VGLL3: variants seen among roughly 807,000 people sequenced by gnomAD.
VGLL3 encodes the protein transcription cofactor vestigial-like protein 3.
VGLL3 carries 18 observed loss-of-function variants against 29.2 expected under a neutral mutation model. That is an observed-to-expected ratio of 0.62 (90% CI 0.43 to 0.91). VGLL3 has a LOEUF of 0.91. Among genes scored for constraint, VGLL3 ranks in the 40% least tolerant of loss-of-function variants. The pLI is 0.00. For missense variants in VGLL3, 440 were observed against 413.2 expected, an observed-to-expected ratio of 1.06 and a Z score of -0.56; for synonymous variants, 180 against 151.8, an observed-to-expected ratio of 1.19 and a Z score of -1.36.
At chr3:86,980,080 C>T (rs1465898592) in intron 1 of VGLL3, among the ~76,000 whole-genome samples, 1 of 150,542 alleles carries the variant, frequency 6.6e-6, no homozygotes, top group Non-Finnish European at 1.5e-5. Flanking sequence ...ACGAAATGAG[C>T]TTTCTCTGTC....
At chr3:86,961,970 A>G in intron 3 of VGLL3, 13 of 982,508 alleles carry the variant, frequency 1.3e-5, no homozygotes, top group Non-Finnish European at 1.5e-5. Context: ...GGGAACTGTG[A>G]TCTCTAAGAG....
chr3:86,955,595 T>C (rs1401733723), intron 3 of VGLL3, among the ~76,000 whole-genome samples: 1 of 152,106 alleles, frequency 6.6e-6, no homozygotes, highest in Non-Finnish European at 1.5e-5. Context: ...TTCACCATGT[T>C]GTCCAGGCTG....
chr3:86,946,856 C>T lies in VGLL3; in HGVS notation c.*168G>A, dbSNP rs1704518139. The T allele has an allele frequency of 1.8e-6, 1 of 570,820 alleles. No homozygotes were observed. 35.4% of individuals were successfully genotyped at this position (570,820 alleles called of 1,614,324 possible). On this transcript the variant is annotated 3_prime_UTR_variant, in exon 4 of 4. Coordinates refer to ENST00000398399, the MANE Select transcript of VGLL3 (RefSeq NM_016206.4). Reference sequence around the variant, plus strand: ...AAATGCTTTTCTTCAATGTCTGGGACCCACTTTGCTTTCTCAAGAAAGGCC... The same window carrying T: ...AAATGCTTTTCTTCAATGTCTGGGATCCACTTTGCTTTCTCAAGAAAGGCC...
At chr3:86,970,994 A>T (rs1705089347) in intron 2 of VGLL3, among the ~76,000 whole-genome samples, 1 of 152,164 alleles carries the variant, frequency 6.6e-6, no homozygotes, top group Non-Finnish European at 1.5e-5. Flanking sequence ...TTATTTACAG[A>T]AGAAGACATT....
intron 2 of VGLL3, among the ~76,000 whole-genome samples, chr3:86,977,888 A>G (rs2107046788): frequency 6.6e-6 from 1 of 152,234 alleles, no homozygotes; most frequent in East Asian, 1.9e-4. Flanking sequence ...ATAATTTTCT[A>G]TGAGTCAGAA....
At chr3:86,987,507 C>G (rs1705472944) in intron 1 of VGLL3, among the ~76,000 whole-genome samples, 1 of 151,918 alleles carries the variant, frequency 6.6e-6, no homozygotes, top group African/African-American at 2.4e-5. Flanking sequence ...CATCTATAAA[C>G]TGCATAATTC....
At chr3:86,968,563 T>C (rs377305478) in intron 3 of VGLL3, 27 bp downstream of exon 3, 43 of 1,583,624 alleles carry the variant, frequency 2.7e-5, no homozygotes, top group Non-Finnish European at 3.5e-5. Flanking sequence ...TATCTTGTTA[T>C]AGGAAGAAAG....
At position 86,942,076 on chromosome 3, in the gene VGLL3, A is replaced by G. The variant is rs570789683; in HGVS notation, c.*4948T>C. The G allele has an allele frequency of 4.3e-4, 66 of 152,328 alleles. No individual in the cohort carries two copies. The highest frequency in any genetic ancestry group is 3.4e-3 in the Middle Eastern group (1 of 294). 9.4% of individuals were successfully genotyped at this position (152,328 alleles called of 1,614,324 possible). On this transcript the variant is annotated 3_prime_UTR_variant, in exon 4 of 4. Transcript: ENST00000398399. ...TTCAATGCTTTAATAATAGATTTAAAGGGCACTTTGGCCTTTAAATATTTT... is the reference window on the plus strand; with the variant it reads ...TTCAATGCTTTAATAATAGATTTAAGGGGCACTTTGGCCTTTAAATATTTT...
At chr3:86,962,778 G>T in intron 3 of VGLL3, 1 of 405,834 alleles carries the variant, frequency 2.5e-6, no homozygotes, top group Non-Finnish European at 3.3e-6. Context: ...AGCACCTTGG[G>T]AGTCCGAGGC....
chr3:86,948,961 A>C (rs1704560553), intron 3 of VGLL3, among the ~76,000 whole-genome samples: 1 of 152,170 alleles, frequency 6.6e-6, no homozygotes, highest in South Asian at 2.1e-4. Flanking sequence ...ACCTTTACTG[A>C]CAATCTGCTG....
chr3:86,983,172 A>G (rs952312679), intron 1 of VGLL3, among the ~76,000 whole-genome samples: 80 of 152,340 alleles, frequency 5.3e-4, no homozygotes, highest in African/African-American at 1.8e-3. Flanking sequence ...TAGGGAAACA[A>G]AAGTATTTTA....
rs1305736374 is a variant in VGLL3 at position 86,940,082 on chromosome 3, AT to A, written c.*6941del. 3 of 152,222 alleles carry A rather than the reference AT, an allele frequency of 2.0e-5. No individual in the cohort carries two copies. The highest frequency in any genetic ancestry group is 6.5e-5 in the Admixed American group (1 of 15,280). The allele number at this position is 152,222 out of a possible 1,614,324, so 9.4% of individuals were successfully genotyped here. A position where few individuals can be genotyped will look rare whatever the true frequency, so the allele number is the denominator to read the frequency against. On this transcript the variant is annotated 3_prime_UTR_variant, in exon 4 of 4. Transcript: ENST00000398399. ...ACAGTTAAAAAGCCTGCGCCAAATTATTTCATCTGTAATGCTGGAAAGTCTA... is the reference window on the plus strand; with the variant it reads ...ACAGTTAAAAAGCCTGCGCCAAATTATTCATCTGTAATGCTGGAAAGTCTA...
chr3:86,977,927 C>T (rs887464607), intron 2 of VGLL3, among the ~76,000 whole-genome samples: 5 of 152,132 alleles, frequency 3.3e-5, no homozygotes, highest in Admixed American at 6.5e-5. Flanking sequence ...TCTGTGAGCT[C>T]GATACAGAGA....
chr3:86,981,029 G>T (rs1705315200), intron 1 of VGLL3, among the ~76,000 whole-genome samples: 1 of 152,082 alleles, frequency 6.6e-6, no homozygotes, highest in South Asian at 2.1e-4. Context: ...AAATAGAAGA[G>T]CCTGGCTACA....
At chr3:86,954,902 C>CAAAAAAAAAAAAAAAAAAAAAAA (rs879461102) in intron 3 of VGLL3, among the ~76,000 whole-genome samples, 3 of 128,138 alleles carry the variant, frequency 2.3e-5, no homozygotes, top group African/African-American at 9.3e-5. Flanking sequence ...GGAGCAAAAC[C>CAAAAAAAAAAAAAAAAAAAAAAA]AAAAAAAAAA....
rs57427070 is a variant in VGLL3 at position 86,953,411 on chromosome 3, G to GACAC, written c.938-6348_938-6345dup. The stretch of plus-strand genomic sequence containing the variant: ...TCTATAGATGTACATCTTTTAGATA[G>GACAC]ACACACACACACACACACACGGGTG... On this transcript the variant is annotated intron_variant, in intron 3 of 3. Transcript: ENST00000398399. 5.0e-3 allele frequency among the ~76,000 whole-genome samples: 753 copies of GACAC among 149,776 alleles called. 7 individuals carry two copies. Among genetic ancestry groups the GACAC allele is most frequent in the African/African-American group, 0.017 (714 of 41,018 alleles).
At chr3:86,989,230 G>A (rs140843844) in intron 1 of VGLL3, among the ~76,000 whole-genome samples, 17 of 152,320 alleles carry the variant, frequency 1.1e-4, no homozygotes, top group African/African-American at 3.8e-4. Context: ...AGAAGTTTTA[G>A]TTTGTTGCTC....
intron 3 of VGLL3, among the ~76,000 whole-genome samples, chr3:86,954,730 T>C (rs1430749903): frequency 6.6e-6 from 1 of 152,140 alleles, no homozygotes; most frequent in Non-Finnish European, 1.5e-5. Flanking sequence ...GATATGGAAT[T>C]TAGACACTGC....
intron 3 of VGLL3, among the ~76,000 whole-genome samples, chr3:86,958,031 C>T (rs950357603): frequency 5.9e-5 from 9 of 152,132 alleles, no homozygotes; most frequent in Non-Finnish European, 1.2e-4. Flanking sequence ...CAAATATGCA[C>T]ACTTTTTTGT....
Sources: allele counts gnomAD v4.1 joint callset (sites outside exome capture counted in the v4.1 genomes callset), GRCh38; gene constraint gnomAD v4.1.1; transcripts MANE v1.5; gene names NCBI Gene and HGNC (gene_info 2026-07-23, HGNC 2026-07-21).